Variants in AKAP13 observed in about 807,000 individuals in gnomAD.
AKAP13 encodes the protein A-kinase anchor protein 13.
AKAP13 carries 80 observed loss-of-function variants against 264.5 expected under a neutral mutation model. The observed-to-expected ratio is 0.30, with a 90% CI of 0.25 to 0.36. The LOEUF (loss-of-function observed/expected upper bound fraction) is 0.36. AKAP13 is among the 10% of genes least tolerant of loss of function. The probability of loss-of-function intolerance (pLI) is 1.00; values close to 1 mark genes in which losing one functional copy is unlikely to be tolerated. For synonymous variants in AKAP13, 1,380 were observed against 1,250.2 expected (o/e 1.10, Z -2.19); for missense variants, 3,712 against 3,435.2 (o/e 1.08, Z -2.01).
chr15:85,682,643 G>A (rs2084657978), intron 15 of AKAP13, among the ~76,000 whole-genome samples: 1 of 152,132 alleles, frequency 6.6e-6, no homozygotes, highest in Non-Finnish European at 1.5e-5. Flanking sequence ...ATGATACATA[G>A]CTCTGTCGAA....
chr15:85,448,041 T>C (rs1484554670), intron 1 of AKAP13, among the ~76,000 whole-genome samples: 1 of 152,192 alleles, frequency 6.6e-6, no homozygotes, highest in Non-Finnish European at 1.5e-5. Flanking sequence ...TGCTGTTTTT[T>C]TGACTTTTTA....
chr15:85,691,753 G>A (rs766395597), intron 16 of AKAP13: 8 of 456,564 alleles, frequency 1.8e-5, no homozygotes, highest in Admixed American at 4.7e-5. Flanking sequence ...GTAAGTAGAA[G>A]CACCTGGGCA....
At chr15:85,613,873 C>T (rs1249249648) in intron 8 of AKAP13, among the ~76,000 whole-genome samples, 1 of 151,250 alleles carries the variant, frequency 6.6e-6, no homozygotes, top group Non-Finnish European at 1.5e-5. Context: ...ACTATACTCT[C>T]TTAAGGCTAA....
At chr15:85,613,713 T>TATATATGTATGTATATATATATATA (rs1254657975) in intron 8 of AKAP13, among the ~76,000 whole-genome samples, 1 of 111,016 alleles carries the variant, frequency 9.0e-6, no homozygotes, top group African/African-American at 3.4e-5. Context: ...TATATATATA[T>TATATATGTATGTATATATATATATA]TAGGAGTGCT....
intron 1 of AKAP13, among the ~76,000 whole-genome samples, chr15:85,463,165 A>G (rs1461094037): frequency 6.6e-6 from 1 of 152,214 alleles, no homozygotes; most frequent in Non-Finnish European, 1.5e-5. Context: ...AGATTGAAAC[A>G]AAATGAACAG....
intron 10 of AKAP13, among the ~76,000 whole-genome samples, chr15:85,649,328 C>T (rs778818887): frequency 2.4e-4 from 36 of 152,144 alleles, no homozygotes; most frequent in Admixed American, 1.6e-3. Context: ...CTCAACCTCC[C>T]CAAACCTGCT....
At position 85,437,585 on chromosome 15, in the gene AKAP13, A is replaced by G. The variant is rs971353228; in HGVS notation, c.-11-48125A>G. ...AAAAATCCTCAATAAAATACTGGCA[A>G]AACGAATCCAGCAGCACATCAAAAA... On this transcript the variant is annotated intron_variant, in intron 1 of 36. Transcript: ENST00000394518. Among the ~76,000 whole-genome samples the G allele has an allele frequency of 1.9e-3, 287 of 152,248 alleles. 1 individual carries two copies. The highest frequency in any genetic ancestry group is 3.0e-3 in the Non-Finnish European group (201 of 68,014).
At chr15:85,685,461 CGT>C (rs57756488) in intron 16 of AKAP13, 68,578 of 146,924 alleles carry the variant, frequency 0.47, 16,693 homozygotes, top group Middle Eastern at 0.62. Context: ...ATGTTTAAAC[CGT>C]GTGTGTGTGT....
At chr15:85,565,987 A>G (rs1258283366) in intron 5 of AKAP13, among the ~76,000 whole-genome samples, 2 of 152,336 alleles carry the variant, frequency 1.3e-5, no homozygotes, top group East Asian at 3.9e-4. Context: ...TTTGCTGTCC[A>G]TTGGTTGCAT....
At chr15:85,702,400 G>C (rs1185813347) in intron 17 of AKAP13, 2 of 152,312 alleles carry the variant, frequency 1.3e-5, no homozygotes, top group South Asian at 2.1e-4. Context: ...AGTCCCATGT[G>C]TTATCTTGGC....
At chr15:85,559,749 A>C (rs1238491798) in intron 5 of AKAP13, among the ~76,000 whole-genome samples, 1 of 129,286 alleles carries the variant, frequency 7.7e-6, no homozygotes, top group African/African-American at 2.9e-5. Context: ...AGCAGTGGGG[A>C]GCAGCTGTAA....
chr15:85,723,401 A>G, intron 26 of AKAP13, 81 bp downstream of exon 26: 1 of 1,556,260 alleles, frequency 6.4e-7, no homozygotes, highest in South Asian at 1.2e-5. Context: ...GAAATTCACT[A>G]CCAGATTTTT....
intron 17 of AKAP13, among the ~76,000 whole-genome samples, chr15:85,698,201 C>G (rs953342595): frequency 2.0e-5 from 3 of 152,100 alleles, no homozygotes; most frequent in Non-Finnish European, 4.4e-5. Context: ...GGCACGGTGC[C>G]TCATGCCTGT....
chr15:85,570,615 C>G (rs756917163), intron 5 of AKAP13, among the ~76,000 whole-genome samples: 4 of 152,186 alleles, frequency 2.6e-5, no homozygotes, highest in Non-Finnish European at 4.4e-5. Context: ...CCAGCACTAC[C>G]GAGTTTGGGC....
intron 14 of AKAP13, among the ~76,000 whole-genome samples, chr15:85,673,615 A>AT (rs1889664114): frequency 8.2e-6 from 1 of 121,786 alleles, no homozygotes; most frequent in African/African-American, 3.3e-5. Context: ...AATAAATTTT[A>AT]TTTTCACATG....
chr15:85,523,565 C>T (rs1215720408), intron 3 of AKAP13, among the ~76,000 whole-genome samples: 2 of 152,182 alleles, frequency 1.3e-5, no homozygotes, highest in Non-Finnish European at 2.9e-5. Context: ...TTCAACTTCT[C>T]ACATATATTT....
rs1388097679 is a variant in AKAP13 at position 85,745,861 on chromosome 15, A to T, written c.*1184A>T. The T allele has an allele frequency of 6.6e-6, 1 of 152,320 alleles. No individual in the cohort carries two copies. The highest frequency in any genetic ancestry group is 2.4e-5 in the African/African-American group (1 of 41,468). The allele number at this position is 152,320 out of a possible 1,614,324, so 9.4% of individuals were successfully genotyped here. ...CCTTCTTATGTTAGGAGGCCTTGGC[A>T]AAATTGGATTTCTTCAAAAATACAT... On this transcript the variant is annotated 3_prime_UTR_variant, in exon 37 of 37. Transcript: ENST00000394518.
At chr15:85,699,237 AGTT>A (rs2085757983) in intron 17 of AKAP13, among the ~76,000 whole-genome samples, 1 of 152,114 alleles carries the variant, frequency 6.6e-6, no homozygotes, top group African/African-American at 2.4e-5. Context: ...TGAGGTCAGG[AGTT>A]CAAGACCAGG....
rs558449679 is a variant in AKAP13 at position 85,735,348 on chromosome 15, T to G, written c.7441+198T>G. On this transcript the variant is annotated intron_variant, in intron 31 of 36. Transcript: ENST00000394518. ...AAAAAGATTTTCCTAAGATCTCAGC[T>G]AAAAGAGTAATAATACATGTTCCTG... is the stretch of plus-strand genomic sequence containing the variant. 3.3e-5 allele frequency among the ~76,000 whole-genome samples: 5 copies of G among 152,318 alleles called. No homozygotes were observed. The East Asian group carries it at 9.6e-4, about 29-fold the overall frequency.
Sources: allele counts gnomAD v4.1 joint callset (sites outside exome capture counted in the v4.1 genomes callset), GRCh38; gene constraint gnomAD v4.1.1; transcripts MANE v1.5; gene names NCBI Gene and HGNC (gene_info 2026-07-23, HGNC 2026-07-21).